Variants in UGT1A4 observed in about 807,000 individuals in gnomAD.
The protein encoded by UGT1A4 is UDP-glucuronosyltransferase 1A4.
Under a neutral mutation model 41.1 loss-of-function variants are expected in UGT1A4, and 32 were observed. The ratio of observed to expected loss-of-function variants is 0.78; its 90% confidence interval spans 0.59 to 1.05. The LOEUF (loss-of-function observed/expected upper bound fraction) is 1.05, where lower values mean the gene tolerates loss of function less well. UGT1A4 is among the 50% of genes least tolerant of loss of function. The probability of loss-of-function intolerance (pLI) is 0.00; values close to 1 mark genes in which losing one functional copy is unlikely to be tolerated. For synonymous variants in UGT1A4, 283 were observed against 265.1 expected (o/e 1.07, Z -0.66); for missense variants, 748 against 677.4 (o/e 1.10, Z -1.16).
At chr2:233,726,090 G>A (rs962783366) in intron 1 of UGT1A4, among the ~76,000 whole-genome samples, 6 of 152,132 alleles carry the variant, frequency 3.9e-5, no homozygotes, top group African/African-American at 1.4e-4. Context: ...TACTTGATCC[G>A]AGGAGGTGGA....
intron 1 of UGT1A4, among the ~76,000 whole-genome samples, chr2:233,721,299 A>G (rs185045149): frequency 2.2e-4 from 34 of 152,276 alleles, no homozygotes; most frequent in Admixed American, 1.9e-3. Flanking sequence ...AGGCATTTGA[A>G]TAGTGATTGT....
At position 233,730,325 on chromosome 2, in the gene UGT1A4, C is replaced by A. The variant is rs532901219; in HGVS notation, c.867+10638C>A. On this transcript the variant is annotated intron_variant, in intron 1 of 4. Transcript: ENST00000373409. ...CTTCAGCTTGGCAGGAACAGGGACA[C>A]TACGTTTGGAACTGATCCATCCTGG... 4.6e-5 allele frequency among the ~76,000 whole-genome samples: 7 copies of A among 152,252 alleles called. No individual in the cohort carries two copies. In the South Asian group the frequency reaches 1.2e-3, roughly 27 times the overall value.
chr2:233,721,241 A>G (rs2076930397), intron 1 of UGT1A4, among the ~76,000 whole-genome samples: 1 of 152,202 alleles, frequency 6.6e-6, no homozygotes, highest in African/African-American at 2.4e-5. Context: ...ACTGAATTGT[A>G]AAAAATATAT....
chr2:233,771,755 C>T (rs1253888254), intron 4 of UGT1A4: 1 of 153,306 alleles, frequency 6.5e-6, no homozygotes, highest in South Asian at 2.1e-4. Flanking sequence ...TTTCTCCCTT[C>T]CTTCCTCCGT....
At chr2:233,747,947 G>T in intron 1 of UGT1A4, 1 of 1,613,454 alleles carries the variant, frequency 6.2e-7, no homozygotes, top group Non-Finnish European at 8.5e-7. Flanking sequence ...AGGTGTCAGT[G>T]GTGGATCTTC....
At chr2:233,762,807 C>T (rs1458193268) in intron 1 of UGT1A4, among the ~76,000 whole-genome samples, 1 of 151,450 alleles carries the variant, frequency 6.6e-6, no homozygotes, top group Non-Finnish European at 1.5e-5. Context: ...GCTATCTCAT[C>T]AAAATATTGA....
At chr2:233,748,198 C>T (rs1478971867) in intron 1 of UGT1A4, 15 of 1,535,826 alleles carry the variant, frequency 9.8e-6, no homozygotes, top group Non-Finnish European at 1.1e-5. Flanking sequence ...TTCTGCTTGT[C>T]GTAATAGCCT....
In UGT1A4 at chr2:233,754,644, T is replaced by G. The variant is rs1255750118; in HGVS notation, c.868-12390T>G. 6 of 449,562 alleles carry G rather than the reference T, an allele frequency of 1.3e-5. No individual in the cohort carries two copies. In the Admixed American group the frequency reaches 1.5e-4, roughly 11 times the overall value. 27.8% of individuals were successfully genotyped at this position (449,562 alleles called of 1,614,324 possible). A position where few individuals can be genotyped will look rare whatever the true frequency, so the allele number is the denominator to read the frequency against. On this transcript the variant is annotated intron_variant, in intron 1 of 4. Coordinates refer to ENST00000373409, the MANE Select transcript of UGT1A4 (RefSeq NM_007120.3). ...CACTTCCACCCTTTCTTGGCCATTCTCAATGATTCTCTTGGTGGTGATTTT... is the reference window on the plus strand; with the variant it reads ...CACTTCCACCCTTTCTTGGCCATTCGCAATGATTCTCTTGGTGGTGATTTT...
chr2:233,724,340 A>ACC (rs1221376110), intron 1 of UGT1A4, among the ~76,000 whole-genome samples: 3 of 104,180 alleles, frequency 2.9e-5, no homozygotes, highest in East Asian at 3.0e-4. Flanking sequence ...CGGGGGGCTG[A>ACC]CCCCCCCCAC....
At chr2:233,762,330 T>C (rs150255996) in intron 1 of UGT1A4, among the ~76,000 whole-genome samples, 11 of 152,350 alleles carry the variant, frequency 7.2e-5, no homozygotes, top group African/African-American at 1.9e-4. Flanking sequence ...TAATCCACAA[T>C]AGCTCTTTTT....
chr2:233,724,822 C>G (rs372493213), intron 1 of UGT1A4, among the ~76,000 whole-genome samples: 1 of 136,056 alleles, frequency 7.3e-6, no homozygotes, highest in Admixed American at 7.2e-5. Context: ...GCTGCAATCT[C>G]GGCACTTTGG....
rs73999011 is a variant in UGT1A4, at chr2:233,757,577, C to G, written c.868-9457C>G. 5.1e-3 allele frequency among the ~76,000 whole-genome samples: 424 copies of G among 82,900 alleles called. 2 individuals are homozygous for G. Among genetic ancestry groups the G allele is most frequent in the African/African-American group, 0.022 (407 of 18,728 alleles). The allele number at this position is 82,900 out of a possible 152,430, so 54.4% of individuals were successfully genotyped here. On this transcript the variant is annotated intron_variant, in intron 1 of 4. Transcript: ENST00000373409. ...ATATATATATGTATATATGATATAGCTATAGTCTAATAGCAAGGACAGATA... is the reference window on the plus strand; with the variant it reads ...ATATATATATGTATATATGATATAGGTATAGTCTAATAGCAAGGACAGATA...
At chr2:233,734,118 T>A (rs2078484158) in intron 1 of UGT1A4, among the ~76,000 whole-genome samples, 1 of 152,034 alleles carries the variant, frequency 6.6e-6, no homozygotes, top group Non-Finnish European at 1.5e-5. Context: ...ATAATAATAA[T>A]AATAAAAAGA....
intron 1 of UGT1A4, chr2:233,753,778 CT>C (rs1025040138): frequency 6.6e-6 from 1 of 152,232 alleles, no homozygotes; most frequent in African/African-American, 2.4e-5. Flanking sequence ...AAACGCTTTT[CT>C]TTACATTTCC....
intron 1 of UGT1A4, among the ~76,000 whole-genome samples, chr2:233,744,910 G>A (rs1048974476): frequency 2.6e-5 from 4 of 151,812 alleles, no homozygotes; most frequent in Non-Finnish European, 5.9e-5. Context: ...AAATCTAGAT[G>A]CTCAAGCTCC....
chr2:233,747,369 G>C lies in UGT1A4; in HGVS notation c.868-19665G>C, dbSNP rs1248922678. On this transcript the variant is annotated intron_variant, in intron 1 of 4. Coordinates refer to ENST00000373409, the MANE Select transcript of UGT1A4 (RefSeq NM_007120.3). ...GCGGGAGGCCGTGCGGGAGCTCCAT[G>C]CCAGAGGCCACCAGGCGGTGGTCCT... 94 of 1,604,318 alleles carry C rather than the reference G, an allele frequency of 5.9e-5. 1 individual carries two copies. Among genetic ancestry groups the C allele is most frequent in the South Asian group, 2.1e-4 (19 of 90,452 alleles).
chr2:233,727,005 A>C (rs937597843), intron 1 of UGT1A4, among the ~76,000 whole-genome samples: 3 of 152,154 alleles, frequency 2.0e-5, no homozygotes, highest in African/African-American at 4.8e-5. Context: ...GCAAAGTTTT[A>C]TCATTTGTTG....
chr2:233,745,571 G>A (rs1471928952), intron 1 of UGT1A4, among the ~76,000 whole-genome samples: 1 of 151,668 alleles, frequency 6.6e-6, no homozygotes, highest in African/African-American at 2.4e-5. Flanking sequence ...ATAGCCTCTA[G>A]TGACATAACC....
At chr2:233,721,819 T>C in intron 1 of UGT1A4, 1 of 516,632 alleles carries the variant, frequency 1.9e-6, no homozygotes, top group Non-Finnish European at 3.9e-6. Flanking sequence ...TCCAGCACCC[T>C]ATTTGGGCCA....
Sources: gnomAD v4.1 joint callset for allele counts (sites outside exome capture counted in the v4.1 genomes callset) on GRCh38, gnomAD v4.1.1 for gene constraint, MANE v1.5 for transcripts, NCBI Gene and HGNC (gene_info 2026-07-23, HGNC 2026-07-21) for gene names.